NBAS: variants seen among roughly 807,000 people sequenced by gnomAD.
The protein encoded by NBAS is NAG/BC035112 fusion.
NBAS carries 219 observed loss-of-function variants against 302.5 expected under a neutral mutation model. The ratio of observed to expected loss-of-function variants is 0.72; its 90% CI spans 0.65 to 0.81. The LOEUF is 0.81. Among genes scored for constraint, NBAS ranks in the 30% least tolerant of loss-of-function variants. NBAS has a pLI of 0.00. For missense variants in NBAS, 2,932 were observed against 2,841.6 expected (o/e 1.03, Z -0.72); for synonymous variants, 1,118 against 1,021.6 (o/e 1.09, Z -1.80).
intron 9 of NBAS, among the ~76,000 whole-genome samples, chr2:15,513,954 C>T (rs557378573): frequency 6.6e-6 from 1 of 151,980 alleles, no homozygotes; most frequent in East Asian, 1.9e-4. Context: ...GCCACTGAAC[C>T]CCAGCCTGGG....
the NBAS span, among the ~76,000 whole-genome samples, chr2:15,034,219 A>G: frequency 6.7e-4 from 21 of 31,162 alleles, 1 homozygote; most frequent in South Asian, 0.016. Flanking sequence ...GGAAAGAAAG[A>G]GAGGGAAAGA....
the NBAS span, among the ~76,000 whole-genome samples, chr2:14,850,521 G>A: frequency 1.1e-5 from 1 of 90,684 alleles, no homozygotes; most frequent in Non-Finnish European, 1.9e-5. Context: ...ACAGATCAAC[G>A]AGACAGAAAG....
intron 28 of NBAS, 129 bp from the exon 29 acceptor site, chr2:15,383,446 G>A (rs1675142584): frequency 2.7e-6 from 2 of 732,712 alleles, no homozygotes; most frequent in Non-Finnish European, 4.8e-6. Context: ...GCTCTCAAAT[G>A]ATCAAAAAGA....
chr2:14,999,510 G>A, the NBAS span, among the ~76,000 whole-genome samples: 6 of 152,176 alleles, frequency 3.9e-5, no homozygotes, highest in Non-Finnish European at 5.9e-5. Flanking sequence ...GATAGTGAAC[G>A]AGTTCTCAGG....
the NBAS span, among the ~76,000 whole-genome samples, chr2:14,943,416 G>A: frequency 2.6e-5 from 4 of 152,176 alleles, no homozygotes; most frequent in Admixed American, 6.5e-5. Flanking sequence ...ATAAAAAAGC[G>A]TATCTGCTGT....
chr2:15,139,980 A>G, the NBAS span, among the ~76,000 whole-genome samples: 1 of 152,224 alleles, frequency 6.6e-6, no homozygotes, highest in East Asian at 1.9e-4. Context: ...CCTCCCCATA[A>G]ATGTGGGTAG....
Position 15,330,592 on chromosome 2 carries a change from G to C in NBAS, c.4347+6C>G. On this transcript the variant is annotated splice_donor_region_variant and intron_variant, in intron 36 of 51. Transcript: ENST00000281513. ...TTGATTTTAAAAAGAAAGATGCACT[G>C]CTTACCTGAAGGGGTCGAAGGTAAG... 6.2e-7 allele frequency: 1 copy of C among 1,613,616 alleles called. No individual in the cohort carries two copies. The highest frequency in any genetic ancestry group is 8.5e-7 in the Non-Finnish European group (1 of 1,179,710).
Position 15,327,876 on chromosome 2 carries a change from C to G in NBAS, c.4462-6G>C, listed in dbSNP as rs1672145927. On this transcript the variant is annotated splice_polypyrimidine_tract_variant and splice_region_variant and intron_variant, in intron 37 of 51. Transcript: ENST00000281513. ...GTGTCATAGGTCCCTTCAGACTACACAAAAGAAGCAGTTTCACTATCTAGT... is the reference window on the plus strand; with the variant it reads ...GTGTCATAGGTCCCTTCAGACTACAGAAAAGAAGCAGTTTCACTATCTAGT... 1 of 1,613,508 alleles carries G rather than the reference C, an allele frequency of 6.2e-7. No individual in the cohort carries two copies. The highest frequency in any genetic ancestry group is 2.2e-5 in the East Asian group (1 of 44,850).
chr2:14,867,779 C>T, the NBAS span, among the ~76,000 whole-genome samples: 8 of 152,274 alleles, frequency 5.3e-5, no homozygotes, highest in Admixed American at 5.2e-4. Flanking sequence ...CATGTTTATA[C>T]ATTTTCTGTT....
At chr2:14,899,044 C>G in the NBAS span, among the ~76,000 whole-genome samples, 2 of 152,160 alleles carry the variant, frequency 1.3e-5, no homozygotes, top group East Asian at 3.9e-4. Flanking sequence ...GGTGGCCAGG[C>G]ATTTCCTCCC....
At chr2:15,385,784 C>G (rs563923312) in intron 28 of NBAS, among the ~76,000 whole-genome samples, 1 of 152,082 alleles carries the variant, frequency 6.6e-6, no homozygotes, top group Admixed American at 6.6e-5. Flanking sequence ...TTCAGGTCAA[C>G]TACTGTGAAA....
At chr2:15,297,740 A>G (rs545987284) in intron 40 of NBAS, among the ~76,000 whole-genome samples, 8 of 152,294 alleles carry the variant, frequency 5.3e-5, no homozygotes, top group African/African-American at 1.4e-4. Context: ...TACACTTGCC[A>G]TTAGAGTCCT....
At chr2:14,805,993 A>G in the NBAS span, among the ~76,000 whole-genome samples, 1 of 152,206 alleles carries the variant, frequency 6.6e-6, no homozygotes, top group South Asian at 2.1e-4. Flanking sequence ...GGCAAGGATT[A>G]TGTCTTATAC....
chr2:15,524,313 T>C (rs1662817356), intron 9 of NBAS, among the ~76,000 whole-genome samples: 2 of 152,180 alleles, frequency 1.3e-5, no homozygotes, highest in Non-Finnish European at 2.9e-5. Context: ...TGGTGGTGGT[T>C]CCTAACTGTG....
intron 25 of NBAS, among the ~76,000 whole-genome samples, chr2:15,403,279 A>G (rs1311395064): frequency 6.6e-6 from 1 of 152,168 alleles, no homozygotes; most frequent in Non-Finnish European, 1.5e-5. Context: ...TGGACGTAAA[A>G]AAGAAACTTT....
the NBAS span, among the ~76,000 whole-genome samples, chr2:15,105,497 T>G: frequency 6.6e-6 from 1 of 152,044 alleles, no homozygotes; most frequent in African/African-American, 2.4e-5. Flanking sequence ...TTTTTTATGT[T>G]GATTCTGTCA....
the NBAS span, among the ~76,000 whole-genome samples, chr2:15,056,794 C>T: frequency 6.6e-5 from 10 of 151,612 alleles, no homozygotes; most frequent in Admixed American, 6.6e-5. Context: ...GAGGCGGGGA[C>T]CAAAGACCCA....
intron 11 of NBAS, among the ~76,000 whole-genome samples, chr2:15,496,640 G>A (rs1488637227): frequency 6.6e-6 from 1 of 151,670 alleles, no homozygotes; most frequent in Non-Finnish European, 1.5e-5. Flanking sequence ...AGGGAGGGAA[G>A]AAAGGAAGAA....
rs576706526 is a variant in NBAS, at chr2:15,459,496, A to ATTTTTTTTT, written c.2339+1704_2339+1705insAAAAAAAAA. 1.3e-3 allele frequency among the ~76,000 whole-genome samples: 92 copies of ATTTTTTTTT among 73,384 alleles called. 2 individuals carry two copies. The highest frequency in any genetic ancestry group is 2.1e-3 in the Non-Finnish European group (66 of 31,030). The allele number at this position is 73,384 out of a possible 152,430, so 48.1% of individuals were successfully genotyped here. A position where few individuals can be genotyped will look rare whatever the true frequency, so the allele number is the denominator to read the frequency against. On this transcript the variant is annotated intron_variant, in intron 21 of 51. Coordinates refer to ENST00000281513, the MANE Select transcript of NBAS (RefSeq NM_015909.4). ...TGAAAATGAAAAAAGCATCCTGAGCATTTTTTCTTTTTTTTTGAGATGGAG... is the reference window on the plus strand; with the variant it reads ...TGAAAATGAAAAAAGCATCCTGAGCATTTTTTTTTTTTTTTCTTTTTTTTTGAGATGGAG...
Sources: allele counts gnomAD v4.1 joint callset (sites outside exome capture counted in the v4.1 genomes callset), GRCh38; gene constraint gnomAD v4.1.1; transcripts MANE v1.5; gene names NCBI Gene and HGNC (gene_info 2026-07-23, HGNC 2026-07-21).